The following PLCB1 variants were observed in gnomAD, a reference collection of about 807,000 sequenced individuals.
PLCB1 encodes phospholipase C beta 1.
Under a neutral mutation model 161.8 loss-of-function variants are expected in PLCB1, and 46 were observed. That is an observed-to-expected ratio of 0.28 (90% CI 0.22 to 0.36). PLCB1 has a LOEUF of 0.36. Ranked by LOEUF, PLCB1 falls within the 10% of genes least tolerant of loss-of-function variation. PLCB1 has a pLI of 1.00. For missense variants in PLCB1, 1,016 were observed against 1,472.5 expected, an observed-to-expected ratio of 0.69 and a Z score of 5.07; for synonymous variants, 517 against 503.7, an observed-to-expected ratio of 1.03 and a Z score of -0.35.
chr20:8,426,431 T>C (rs1199103930), intron 3 of PLCB1, among the ~76,000 whole-genome samples: 1 of 152,234 alleles, frequency 6.6e-6, no homozygotes, highest in Non-Finnish European at 1.5e-5. Context: ...GTGCACCTGC[T>C]CAGACCACAA....
chr20:8,548,255 A>C (rs1297233421), intron 3 of PLCB1, among the ~76,000 whole-genome samples: 23 of 69,146 alleles, frequency 3.3e-4, no homozygotes, highest in African/African-American at 6.6e-4. Context: ...CCTCTTTTTC[A>C]CCCTTCCTTC....
rs190428252 is a variant in PLCB1 at position 8,428,289 on chromosome 20, C to A, written c.246+56839C>A. 8.5e-5 allele frequency among the ~76,000 whole-genome samples: 13 copies of A among 152,084 alleles called. No individual in the cohort carries two copies. In the East Asian group the frequency reaches 2.3e-3, roughly 27 times the overall value. On this transcript the variant is annotated intron_variant, in intron 3 of 31. Transcript: ENST00000338037. ...AGGCTGGAATCCAGTGGTGCAATCTCGGCTCACTGCAACCTCTGTCTCCCG... is the reference window on the plus strand; with the variant it reads ...AGGCTGGAATCCAGTGGTGCAATCTAGGCTCACTGCAACCTCTGTCTCCCG...
chr20:8,510,928 T>C (rs1467221821), intron 3 of PLCB1, among the ~76,000 whole-genome samples: 8 of 152,202 alleles, frequency 5.3e-5, no homozygotes, highest in Admixed American at 3.9e-4. Context: ...GTGTATATAT[T>C]GTTGAATGAT....
chr20:8,219,985 A>G (rs899094190), intron 2 of PLCB1, among the ~76,000 whole-genome samples: 1 of 152,160 alleles, frequency 6.6e-6, no homozygotes, highest in Non-Finnish European at 1.5e-5. Flanking sequence ...CTTGTTAACT[A>G]AAACAATGCC....
At chr20:8,700,753 G>T (rs1238208868) in intron 11 of PLCB1, among the ~76,000 whole-genome samples, 1 of 152,190 alleles carries the variant, frequency 6.6e-6, no homozygotes, top group Non-Finnish European at 1.5e-5. Context: ...CTGAGATGTG[G>T]GGAGGTGACC....
In PLCB1 at chr20:8,883,092, G is replaced by GAACTT. The variant is rs1988053346; in HGVS notation, c.*1245_*1249dup. ...ATTGATGCAAACCGAAGTAGATTTAGAACTTATATGAATTTGATTTATATT... is the reference window on the plus strand; with the variant it reads ...ATTGATGCAAACCGAAGTAGATTTAGAACTTAACTTATATGAATTTGATTTATATT... On this transcript the variant is annotated 3_prime_UTR_variant, in exon 32 of 32. Coordinates refer to ENST00000338037, the MANE Select transcript of PLCB1 (RefSeq NM_015192.4). 6.6e-6 allele frequency: 1 copy of GAACTT among 152,390 alleles called. No individual in the cohort carries two copies. Among genetic ancestry groups the GAACTT allele is most frequent in the Non-Finnish European group, 1.5e-5 (1 of 68,006 alleles). 9.4% of individuals were successfully genotyped at this position (152,390 alleles called of 1,614,324 possible).
intron 4 of PLCB1, among the ~76,000 whole-genome samples, chr20:8,645,320 A>T (rs2123283357): frequency 6.8e-6 from 1 of 147,304 alleles, no homozygotes; most frequent in South Asian, 2.2e-4. Context: ...AAAATAAAAA[A>T]AATAAAGACA....
At chr20:8,163,310 G>A (rs2051644195) in intron 2 of PLCB1, among the ~76,000 whole-genome samples, 1 of 152,204 alleles carries the variant, frequency 6.6e-6, no homozygotes, top group Non-Finnish European at 1.5e-5. Flanking sequence ...GTGACTGGGG[G>A]CAGCTCTCTC....
intron 3 of PLCB1, among the ~76,000 whole-genome samples, chr20:8,424,058 C>G (rs1209985564): frequency 1.3e-5 from 2 of 152,154 alleles, no homozygotes; most frequent in African/African-American, 4.8e-5. Flanking sequence ...GGAAATTAGG[C>G]TCACTCCTTC....
At chr20:8,582,064 C>G (rs192632614) in intron 3 of PLCB1, among the ~76,000 whole-genome samples, 61 of 152,296 alleles carry the variant, frequency 4.0e-4, no homozygotes, top group Non-Finnish European at 7.1e-4. Flanking sequence ...TAGAGCTTCT[C>G]TCCCCTATCC....
At chr20:8,327,275 T>C (rs1014817779) in intron 2 of PLCB1, among the ~76,000 whole-genome samples, 3 of 152,224 alleles carry the variant, frequency 2.0e-5, no homozygotes, top group African/African-American at 7.2e-5. Flanking sequence ...GCTTCTTTTA[T>C]GTTGTTCCGC....
intron 2 of PLCB1, among the ~76,000 whole-genome samples, chr20:8,173,212 T>C (rs899963086): frequency 2.0e-5 from 3 of 152,274 alleles, no homozygotes; most frequent in East Asian, 3.9e-4. Context: ...TCCTCTCTCC[T>C]GCCCAGAGAC....
At chr20:8,364,542 G>A (rs1986650066) in intron 2 of PLCB1, among the ~76,000 whole-genome samples, 1 of 152,226 alleles carries the variant, frequency 6.6e-6, no homozygotes, top group African/African-American at 2.4e-5. Flanking sequence ...TCTGGGTAAA[G>A]ATGAGTCTGA....
At chr20:8,350,066 G>A (rs1986133783) in intron 2 of PLCB1, among the ~76,000 whole-genome samples, 1 of 152,100 alleles carries the variant, frequency 6.6e-6, no homozygotes, top group South Asian at 2.1e-4. Context: ...ATGAACAATT[G>A]GAACTTGAAA....
chr20:8,873,377 C>A (rs1251525965), intron 31 of PLCB1, among the ~76,000 whole-genome samples: 2 of 152,140 alleles, frequency 1.3e-5, no homozygotes, highest in East Asian at 1.9e-4. Context: ...ACTTAGCTAA[C>A]TGATGATGTT....
At chr20:8,205,878 T>G (rs1477204013) in intron 2 of PLCB1, among the ~76,000 whole-genome samples, 3 of 152,126 alleles carry the variant, frequency 2.0e-5, no homozygotes, top group African/African-American at 7.2e-5. Flanking sequence ...GAGTGTGCAT[T>G]ATACTATTAA....
At chr20:8,757,787 G>A (rs1327365534) in intron 24 of PLCB1, among the ~76,000 whole-genome samples, 2 of 151,926 alleles carry the variant, frequency 1.3e-5, no homozygotes, top group African/African-American at 2.4e-5. Flanking sequence ...AGTTCCCAAT[G>A]ATACTAACAT....
intron 3 of PLCB1, among the ~76,000 whole-genome samples, chr20:8,628,035 T>TG (rs1479200606): frequency 6.6e-6 from 1 of 152,184 alleles, no homozygotes; most frequent in Non-Finnish European, 1.5e-5. Flanking sequence ...CACATAAAAA[T>TG]GTGTGATAGG....
intron 3 of PLCB1, among the ~76,000 whole-genome samples, chr20:8,614,308 A>G (rs1469210436): frequency 1.3e-5 from 2 of 152,040 alleles, no homozygotes; most frequent in Non-Finnish European, 2.9e-5. Context: ...TATCCTAAGT[A>G]AATTATCATT....
Sources: allele counts gnomAD v4.1 joint callset (sites outside exome capture counted in the v4.1 genomes callset), GRCh38; gene constraint gnomAD v4.1.1; transcripts MANE v1.5; gene names NCBI Gene and HGNC (gene_info 2026-07-23, HGNC 2026-07-21).